DUOX1: variants seen among roughly 807,000 people sequenced by gnomAD.
The protein encoded by DUOX1 is NADPH thyroid oxidase 1.
A neutral mutation model predicts 181.8 loss-of-function variants in DUOX1; 134 were observed. The ratio of observed to expected loss-of-function variants is 0.74; its 90% CI spans 0.64 to 0.85. DUOX1 has a LOEUF of 0.85. DUOX1 is among the 40% of genes least tolerant of loss of function. The probability of loss-of-function intolerance (pLI) is 0.00; values close to 1 mark genes in which losing one functional copy is unlikely to be tolerated. For synonymous variants in DUOX1, 798 were observed against 832.5 expected, an observed-to-expected ratio of 0.96 and a Z score of 0.71; for missense variants, 1,814 against 2,064.4, an observed-to-expected ratio of 0.88 and a Z score of 2.35.
At position 45,139,478 on chromosome 15, in the gene DUOX1, G is replaced by A; in HGVS notation, c.1268G>A (p.Cys423Tyr). ...TCCCGCACAGACCACCTGGCCAGCT[G>A]CCTGCAGCGGGGCCGGGATCTGGGC... ...KFSRTDHLAS[C>Y]LQRGRDLGLP... Residue 423 changes from cysteine (C) to tyrosine (Y), a missense_variant, in exon 12 of 34, where the codon TGC (cysteine) becomes TAC (tyrosine). By Grantham distance (194) the Cys-to-Tyr change is radical (BLOSUM62 -2). Around this residue, in one of 5 missense-constraint regions of DUOX1, gnomAD observed 1,064 missense variants for 1,152.9 expected, o/e 0.92. Coordinates refer to ENST00000389037, the MANE Select transcript of DUOX1 (RefSeq NM_175940.3). 2 of 1,612,846 alleles carry A rather than the reference G, an allele frequency of 1.2e-6. No individual in the cohort carries two copies.
rs375568524 is a variant in DUOX1, at chr15:45,136,421, G to A, written c.925+11G>A. The stretch of plus-strand genomic sequence containing the variant: ...TCCCGGAGTATACAGGTGAGGGAGC[G>A]GGGAAGGAGGATGGGAGGGCTTGCG... On this transcript the variant is annotated intron_variant, in intron 8 of 33. Transcript: ENST00000389037. 3.9e-5 allele frequency: 63 copies of A among 1,614,064 alleles called. No individual in the cohort carries two copies. Among genetic ancestry groups the A allele is most frequent in the African/African-American group, 2.9e-4 (22 of 74,936 alleles).
chr15:45,148,496 G>T (rs1595586897), intron 21 of DUOX1, 49 bp downstream of exon 21: 1 of 1,552,990 alleles, frequency 6.4e-7, no homozygotes, highest in Non-Finnish European at 8.7e-7. Context: ...GGCATAGTAG[G>T]CACAATGCCC....
chr15:45,144,964 A>G lies in DUOX1; in HGVS notation c.2206A>G (p.Ser736Gly). The G allele has an allele frequency of 1.2e-6, 2 of 1,613,326 alleles. No homozygotes were observed. The highest frequency in any genetic ancestry group is 2.2e-5 in the South Asian group (2 of 91,054). ...AAATCTCCGGGGAGCTCTGAAGGAGAGCGGGTTGAGCATCCAGGAGTGGGA... is the reference window on the plus strand; with the variant it reads ...AAATCTCCGGGGAGCTCTGAAGGAGGGCGGGTTGAGCATCCAGGAGTGGGA... ...VENLRGALKESGLSIQEWELR... is the reference protein window; with the variant it reads ...VENLRGALKEGGLSIQEWELR... Residue 736 changes from serine to glycine, a missense_variant, in exon 18 of 34, where the codon AGC (serine) becomes GGC (glycine). Physicochemically the swap from Ser to Gly is moderately conservative, Grantham distance 56. This residue lies in a region of DUOX1 where 1,064 missense variants were observed against 1,152.9 expected (regional missense o/e 0.92). Coordinates refer to ENST00000389037, the MANE Select transcript of DUOX1 (RefSeq NM_175940.3).
rs1896683105 is a variant in DUOX1, at chr15:45,147,463, A to G, written c.2353A>G (p.Thr785Ala). ...VLDINQADAG[T>A]LPLDSSQKVR... ...GGACATCAACCAGGCCGACGCAGGG[A>G]CCCTGCCCCTGGACTCCTCCCAGAA... is the stretch of plus-strand genomic sequence containing the variant. The change falls in exon 19 of 34, where the codon ACC (threonine) becomes GCC (alanine). Residue 785 changes from threonine (T) to alanine (A), a missense_variant. Thr to Ala is a moderately conservative substitution (Grantham distance 58). This residue lies in a region of DUOX1 where 1,064 missense variants were observed against 1,152.9 expected (regional missense o/e 0.92). Transcript: ENST00000389037. 6.2e-7 allele frequency: 1 copy of G among 1,613,744 alleles called. No individual in the cohort carries two copies. Among genetic ancestry groups the G allele is most frequent in the Non-Finnish European group, 8.5e-7 (1 of 1,179,924 alleles).
intron 33 of DUOX1, among the ~76,000 whole-genome samples, chr15:45,164,509 C>T (rs1217636385): frequency 6.6e-6 from 1 of 151,602 alleles, no homozygotes; most frequent in African/African-American, 2.4e-5. Flanking sequence ...TGCTCTGTTG[C>T]CCAGGCTGTA....
chr15:45,134,456 G>A (rs1384487755), intron 4 of DUOX1, 147 bp downstream of exon 4: 4 of 811,382 alleles, frequency 4.9e-6, no homozygotes, highest in Non-Finnish European at 7.2e-6. Context: ...GTATGGTAGG[G>A]GTAGAAGCAG....
chr15:45,141,350 G>A lies in DUOX1; in HGVS notation c.1624G>A (p.Val542Ile), dbSNP rs781639414. Residue 542 changes from valine (V) to isoleucine (I), a missense_variant, in exon 14 of 34, where the codon GTC becomes ATC. Physicochemically the swap from Val to Ile is conservative, Grantham distance 29. Around this residue, in one of 5 missense-constraint regions of DUOX1, gnomAD observed 1,064 missense variants for 1,152.9 expected, o/e 0.92. Coordinates refer to ENST00000389037, the MANE Select transcript of DUOX1 (RefSeq NM_175940.3). Reference sequence around the variant, plus strand: ...AAATACCACCCTGCAGGACGTGCTGGTCGCTGTTATCAACATTGACCCCAG... The same window carrying A: ...AAATACCACCCTGCAGGACGTGCTGATCGCTGTTATCAACATTGACCCCAG... Reference protein sequence around the residue: ...IRNTTLQDVLVAVINIDPSAL... With the variant: ...IRNTTLQDVLIAVINIDPSAL... 68 of 1,614,236 alleles carry A rather than the reference G, an allele frequency of 4.2e-5. No homozygotes were observed. Among genetic ancestry groups the A allele is most frequent in the Non-Finnish European group, 5.4e-5 (64 of 1,180,046 alleles).
chr15:45,147,735 C>T lies in DUOX1; in HGVS notation c.2548+77C>T, dbSNP rs919730717. Reference sequence around the variant, plus strand: ...AGATGGGGAAGCCCTGGGACCAGGTCTCCAGCCATGGCAGATGCCCAGAAG... The same window carrying T: ...AGATGGGGAAGCCCTGGGACCAGGTTTCCAGCCATGGCAGATGCCCAGAAG... On this transcript the variant is annotated intron_variant, in intron 19 of 33. Coordinates refer to ENST00000389037, the MANE Select transcript of DUOX1 (RefSeq NM_175940.3). 9.4e-6 allele frequency: 15 copies of T among 1,595,502 alleles called. No individual in the cohort carries two copies. In the Admixed American group the frequency reaches 2.4e-4, roughly 26 times the overall value.
In DUOX1 at chr15:45,160,913, A is replaced by G. The variant is rs1213214706; in HGVS notation, c.3779A>G (p.Tyr1260Cys). The G allele has an allele frequency of 1.9e-6, 3 of 1,613,978 alleles. No individual in the cohort carries two copies. Among genetic ancestry groups the G allele is most frequent in the Middle Eastern group, 1.7e-4 (1 of 6,060 alleles). ...TTCTTCCTGGTCCCAGCAATCATCT[A>G]TGGGGGCGACAAGCTGGTGAGCCTG... ...HIFFLVPAII[Y>C]GGDKLVSLSR... The change falls in exon 29 of 34, where the codon TAT becomes TGT. Residue 1260 changes from tyrosine (Y) to cysteine (C), a missense_variant. Transcript: ENST00000389037.
At position 45,163,540 on chromosome 15, in the gene DUOX1, C is replaced by T. The variant is rs1296917535; in HGVS notation, c.4257C>T (p.Phe1419=). ...SCQVFCKKIY[F]IWVTRTQRQF... is the part of the protein sequence containing the mutation. Reference sequence around the variant, plus strand: ...CAGCCCTGTGTCCCCAGATCTACTTCATCTGGGTGACGCGGACCCAGCGTC... The same window carrying T: ...CAGCCCTGTGTCCCCAGATCTACTTTATCTGGGTGACGCGGACCCAGCGTC... The change falls in exon 32 of 34, where the codon TTC becomes TTT. Residue 1419 remains phenylalanine (F), a synonymous_variant. Coordinates refer to ENST00000389037, the MANE Select transcript of DUOX1 (RefSeq NM_175940.3). 6.2e-7 allele frequency: 1 copy of T among 1,614,158 alleles called. No individual in the cohort carries two copies. The highest frequency in any genetic ancestry group is 8.5e-7 in the Non-Finnish European group (1 of 1,180,036).
Position 45,132,016 on chromosome 15 carries a change from C to A in DUOX1, c.50C>A (p.Thr17Asn), listed in dbSNP as rs1260759565. The A allele has an allele frequency of 6.2e-7, 1 of 1,612,160 alleles. No individual in the cohort carries two copies. The highest frequency in any genetic ancestry group is 8.5e-7 in the Non-Finnish European group (1 of 1,179,354). Residue 17 changes from threonine to asparagine, a missense_variant, in exon 2 of 34, where the codon ACC becomes AAC. Coordinates refer to ENST00000389037, the MANE Select transcript of DUOX1 (RefSeq NM_175940.3). Reference sequence around the variant, plus strand: ...TGGACACTTCTGGTTGGGGCATGGACCCCTCTGGGTGAGTACAGATTGGAG... The same window carrying A: ...TGGACACTTCTGGTTGGGGCATGGAACCCTCTGGGTGAGTACAGATTGGAG... ...LAWTLLVGAW[T>N]PLGAQNPISW...
chr15:45,164,511 CA>C (rs1897180896), intron 33 of DUOX1, among the ~76,000 whole-genome samples: 1 of 151,510 alleles, frequency 6.6e-6, no homozygotes, highest in South Asian at 2.1e-4. Context: ...CTCTGTTGCC[CA>C]GGCTGTAATG....
At chr15:45,134,365 C>G in intron 4 of DUOX1, 56 bp downstream of exon 4, 1 of 1,525,950 alleles carries the variant, frequency 6.6e-7, no homozygotes, top group Non-Finnish European at 8.8e-7. Flanking sequence ...GACACCTCTG[C>G]ATGTGAAGAG....
chr15:45,144,238 A>G lies in DUOX1; in HGVS notation c.2136+3A>G, dbSNP rs1460043045. The stretch of plus-strand genomic sequence containing the variant: ...AGATCCCCAAGGAGTATGACCTGGT[A>G]TGGCTCAGCTGGCATCTGGCTCCTT... On this transcript the variant is annotated splice_donor_region_variant and intron_variant, in intron 17 of 33. Transcript: ENST00000389037. 1.9e-6 allele frequency: 3 copies of G among 1,613,888 alleles called. No homozygotes were observed. The highest frequency in any genetic ancestry group is 2.5e-6 in the Non-Finnish European group (3 of 1,180,034).
At chr15:45,145,347 C>A (rs916970093) in intron 18 of DUOX1, among the ~76,000 whole-genome samples, 10 of 152,194 alleles carry the variant, frequency 6.6e-5, no homozygotes, top group Non-Finnish European at 1.3e-4. Context: ...CTCAGGGCTG[C>A]CCAGACTTTC....
intron 21 of DUOX1, 140 bp downstream of exon 21, chr15:45,148,587 A>C: frequency 1.2e-6 from 1 of 822,898 alleles, no homozygotes; most frequent in Non-Finnish European, 1.8e-6. Context: ...ATATGTAATA[A>C]TGTATCCAAT....
Position 45,162,245 on chromosome 15 carries a change from G to A in DUOX1, c.4116G>A (p.Glu1372=). 3 of 1,611,336 alleles carry A rather than the reference G, an allele frequency of 1.9e-6. No homozygotes were observed. The highest frequency in any genetic ancestry group is 2.5e-6 in the Non-Finnish European group (3 of 1,178,434). The change falls in exon 31 of 34, where the codon GAG becomes GAA. Residue 1372 remains glutamate, a synonymous_variant. Coordinates refer to ENST00000389037, the MANE Select transcript of DUOX1 (RefSeq NM_175940.3). Reference sequence around the variant, plus strand: ...TGTACCTTGATGGACCATTTGGAGAGGGCCACCAGGAGTGGCATAAGTTTG... The same window carrying A: ...TGTACCTTGATGGACCATTTGGAGAAGGCCACCAGGAGTGGCATAAGTTTG... ...PKLYLDGPFG[E]GHQEWHKFEV... is the part of the protein sequence containing the mutation.
In DUOX1 at chr15:45,161,855, C is replaced by T. The variant is rs1320393474; in HGVS notation, c.3974C>T (p.Ser1325Phe). ...TTEYHPFTLT[S>F]APHEDTLSLH... ...GAGTACCACCCCTTCACACTGACCT[C>T]TGCGCCCCATGAGGACACGCTTAGC... The change falls in exon 30 of 34, where the codon TCT (serine) becomes TTT (phenylalanine). Residue 1325 changes from serine (S) to phenylalanine (F), a missense_variant. Ser to Phe is a radical substitution (Grantham distance 155). Transcript: ENST00000389037. The T allele has an allele frequency of 1.2e-6, 2 of 1,613,908 alleles. No homozygotes were observed. The highest frequency in any genetic ancestry group is 1.7e-6 in the Non-Finnish European group (2 of 1,180,002).
chr15:45,161,748 C>G lies in DUOX1; in HGVS notation c.3867C>G (p.His1289Gln). ...KAELLPSGVT[H>Q]LRFQRPQGFE... is the part of the protein sequence containing the mutation. ...ACCATCCCTCCCCAGGAGTGACCCA[C>G]CTGCGGTTCCAGCGGCCCCAGGGCT... Residue 1289 changes from histidine to glutamine, a missense_variant, in exon 30 of 34, where the codon CAC (histidine) becomes CAG (glutamine). By Grantham distance (24) the His-to-Gln change is conservative (BLOSUM62 0). Coordinates refer to ENST00000389037, the MANE Select transcript of DUOX1 (RefSeq NM_175940.3). The G allele has an allele frequency of 6.2e-7, 1 of 1,613,592 alleles. No individual in the cohort carries two copies. Among genetic ancestry groups the G allele is most frequent in the Non-Finnish European group, 8.5e-7 (1 of 1,180,026 alleles).
Sources: allele counts gnomAD v4.1 joint callset (sites outside exome capture counted in the v4.1 genomes callset), GRCh38; gene constraint gnomAD v4.1.1; regional missense constraint gnomAD v4.1.1; transcripts MANE v1.5; gene names NCBI Gene and HGNC (gene_info 2026-07-23, HGNC 2026-07-21).